SLC8A1: variants seen among roughly 807,000 people sequenced by gnomAD.
The protein encoded by SLC8A1 is sodium/calcium exchanger 1.
SLC8A1 carries 18 observed loss-of-function variants against 68.3 expected under a neutral mutation model. The ratio of observed to expected loss-of-function variants is 0.26; its 90% CI spans 0.18 to 0.39. The LOEUF is 0.39. SLC8A1 is among the 10% of genes least tolerant of loss of function. SLC8A1 has a pLI of 1.00. For synonymous variants in SLC8A1, 475 were observed against 415.5 expected (o/e 1.14, Z -1.74); for missense variants, 985 against 1,156.7 (o/e 0.85, Z 2.15).
intron 1 of SLC8A1, among the ~76,000 whole-genome samples, chr2:40,443,942 A>T (rs949173071): frequency 6.6e-6 from 1 of 152,184 alleles, no homozygotes. Flanking sequence ...CCAAATATGT[A>T]CCACATCATC....
exon 2 of SLC8A1, chr2:40,428,732 T>C: frequency 6.2e-7 from 1 of 1,613,738 alleles, no homozygotes; most frequent in Non-Finnish European, 8.5e-7. Context: ...CAAGCAAGTG[T>C]AGAAACATGA....
intron 1 of SLC8A1, among the ~76,000 whole-genome samples, chr2:40,463,126 A>C (rs1174430078): frequency 6.6e-6 from 1 of 152,188 alleles, no homozygotes; most frequent in Non-Finnish European, 1.5e-5. Flanking sequence ...GTGGGCTTAG[A>C]CGTTTTCTAA....
intron 6 of SLC8A1, among the ~76,000 whole-genome samples, chr2:40,159,174 C>G (rs2045196848): frequency 6.6e-6 from 1 of 152,206 alleles, no homozygotes; most frequent in Non-Finnish European, 1.5e-5. Flanking sequence ...TTCCCTTCCA[C>G]AGCTTTGCTT....
intron 4 of SLC8A1, among the ~76,000 whole-genome samples, chr2:40,170,804 G>A (rs1573513373): frequency 6.6e-6 from 1 of 152,198 alleles, no homozygotes; most frequent in East Asian, 1.9e-4. Flanking sequence ...TAGTGTACTA[G>A]TGATTGGGAA....
At chr2:40,379,407 C>T (rs1680984887) in intron 2 of SLC8A1, among the ~76,000 whole-genome samples, 1 of 151,994 alleles carries the variant, frequency 6.6e-6, no homozygotes, top group Non-Finnish European at 1.5e-5. Context: ...TGTTTTCTTC[C>T]TTCAACCATA....
chr2:40,205,816 GAAAAAA>G (rs199504864), intron 2 of SLC8A1, among the ~76,000 whole-genome samples: 30 of 128,866 alleles, frequency 2.3e-4, no homozygotes, highest in African/African-American at 8.9e-4. Flanking sequence ...AAAATATCTT[GAAAAAA>G]AAAAAAAAAA....
chr2:40,278,178 A>G (rs1396917826), intron 2 of SLC8A1, among the ~76,000 whole-genome samples: 1 of 152,132 alleles, frequency 6.6e-6, no homozygotes, highest in Admixed American at 6.5e-5. Context: ...TCTCTAAAAA[A>G]GGGCATCACA....
At chr2:40,163,268 T>C (rs1230998655) in intron 5 of SLC8A1, among the ~76,000 whole-genome samples, 2 of 152,150 alleles carry the variant, frequency 1.3e-5, no homozygotes, top group African/African-American at 4.8e-5. Flanking sequence ...TAATGCTTCT[T>C]ATGGGAAGTT....
chr2:40,290,558 C>T (rs943069074), intron 2 of SLC8A1, among the ~76,000 whole-genome samples: 3 of 152,128 alleles, frequency 2.0e-5, no homozygotes, highest in Non-Finnish European at 4.4e-5. Flanking sequence ...GCCTGGTTAA[C>T]TATCCATAAG....
intron 2 of SLC8A1, among the ~76,000 whole-genome samples, chr2:40,387,901 C>CA (rs1438344487): frequency 7.1e-6 from 1 of 141,512 alleles, no homozygotes; most frequent in Non-Finnish European, 1.5e-5. Context: ...CATGCCACTG[C>CA]ACTCCAGTCT....
intron 2 of SLC8A1, among the ~76,000 whole-genome samples, chr2:40,349,729 C>T (rs997007317): frequency 1.3e-5 from 2 of 151,888 alleles, no homozygotes; most frequent in African/African-American, 4.8e-5. Context: ...TGCAAAAGTG[C>T]CAGCCTTAAA....
chr2:40,225,892 G>A (rs1419585891), intron 2 of SLC8A1, among the ~76,000 whole-genome samples: 1 of 152,164 alleles, frequency 6.6e-6, no homozygotes, highest in Non-Finnish European at 1.5e-5. Flanking sequence ...TGAATGGCAA[G>A]CTTCAGCGTT....
At chr2:40,269,684 T>C (rs557938291) in intron 2 of SLC8A1, among the ~76,000 whole-genome samples, 2 of 152,266 alleles carry the variant, frequency 1.3e-5, no homozygotes, top group East Asian at 3.9e-4. Context: ...TAAGGGAGCA[T>C]GAAGTGACCA....
At chr2:40,277,489 G>T (rs2066876322) in intron 2 of SLC8A1, among the ~76,000 whole-genome samples, 2 of 152,008 alleles carry the variant, frequency 1.3e-5, no homozygotes, top group African/African-American at 4.8e-5. Flanking sequence ...GCAGTGAGCT[G>T]AGATACGACC....
intron 1 of SLC8A1, among the ~76,000 whole-genome samples, chr2:40,486,950 C>A (rs1252380906): frequency 6.9e-6 from 1 of 144,808 alleles, no homozygotes; most frequent in Non-Finnish European, 1.5e-5. Context: ...GACAGAAAAT[C>A]AAACACTGCA....
At chr2:40,494,466 G>A (rs946394241) in intron 1 of SLC8A1, among the ~76,000 whole-genome samples, 3 of 151,588 alleles carry the variant, frequency 2.0e-5, no homozygotes, top group African/African-American at 4.9e-5. Flanking sequence ...ATAAACATAC[G>A]TGTGCATGTG....
chr2:40,156,117 G>T (rs943489905), intron 6 of SLC8A1, among the ~76,000 whole-genome samples: 2 of 152,202 alleles, frequency 1.3e-5, no homozygotes, highest in African/African-American at 4.8e-5. Flanking sequence ...CAAGCCAGAG[G>T]ATGGGCAAGA....
At chr2:40,432,746 G>A (rs549633199) in intron 1 of SLC8A1, among the ~76,000 whole-genome samples, 31 of 152,032 alleles carry the variant, frequency 2.0e-4, no homozygotes, top group African/African-American at 7.2e-4. Context: ...ATCACTGGGA[G>A]GTTCTAATCA....
At chr2:40,225,173 G>T (rs2058814171) in intron 2 of SLC8A1, among the ~76,000 whole-genome samples, 1 of 152,258 alleles carries the variant, frequency 6.6e-6, no homozygotes, top group East Asian at 1.9e-4. Context: ...CTTACTGTCA[G>T]CAGGATATAC....
Sources: allele counts gnomAD v4.1 joint callset (sites outside exome capture counted in the v4.1 genomes callset), GRCh38; gene constraint gnomAD v4.1.1; transcripts MANE v1.5; gene names NCBI Gene and HGNC (gene_info 2026-07-23, HGNC 2026-07-21).